TAMALIN: variants seen among roughly 807,000 people sequenced by gnomAD.
TAMALIN encodes the protein protein TAMALIN.
TAMALIN carries 9 observed loss-of-function variants against 38.5 expected under a neutral mutation model. The observed-to-expected ratio is 0.23, with a 90% confidence interval of 0.14 to 0.41. TAMALIN has a LOEUF of 0.41. TAMALIN is among the 10% of genes least tolerant of loss of function. TAMALIN has a pLI of 1.00. For missense variants in TAMALIN, 548 were observed against 554.1 expected, an observed-to-expected ratio of 0.99 and a Z score of 0.11; for synonymous variants, 306 against 256.5, an observed-to-expected ratio of 1.19 and a Z score of -1.85.
chr12:52,011,133 T>C lies in TAMALIN; in HGVS notation c.446T>C (p.Leu149Pro). The change falls in exon 4 of 8, where the codon CTC becomes CCC. Residue 149 changes from leucine (L) to proline (P), a missense_variant. By Grantham distance (98) the Leu-to-Pro change is moderately conservative. This residue lies in a region of TAMALIN where 415 missense variants were observed against 417.0 expected (regional missense o/e 1.00). Coordinates refer to ENST00000293662, the MANE Select transcript of TAMALIN (RefSeq NM_181711.4). The surrounding 1 kb of genome is among the most constrained non-coding windows in gnomAD (Gnocchi z 5.3). ...TCTAGCCCTGCCCAGCTGGCTGGGC[T>C]CACACCAGGTGGGGCCTGAGCCCAG... Reference protein sequence around the residue: ...HESSPAQLAGLTPGDTIASVN... With the variant: ...HESSPAQLAGPTPGDTIASVN... 6.2e-7 allele frequency: 1 copy of C among 1,611,738 alleles called. No homozygotes were observed. The highest frequency in any genetic ancestry group is 8.5e-7 in the Non-Finnish European group (1 of 1,179,974).
chr12:52,007,607 A>G lies in TAMALIN; in HGVS notation c.246+342A>G, dbSNP rs1942435872. The G allele has an allele frequency of 2.0e-6, 2 of 984,762 alleles. No homozygotes were observed. Among genetic ancestry groups the G allele is most frequent in the Non-Finnish European group, 2.4e-6 (2 of 829,704 alleles). The allele number at this position is 984,762 out of a possible 1,614,324, so 61.0% of individuals were successfully genotyped here. On this transcript the variant is annotated intron_variant, in intron 1 of 7. Coordinates refer to ENST00000293662, the MANE Select transcript of TAMALIN (RefSeq NM_181711.4). This position sits in a 1 kb window ranked among gnomAD's most constrained non-coding sequence, Gnocchi z 6.7. ...TGGCCAGGTGTCCTGGGTCCCCAGG[A>G]GCCCCTCGCCCGAGGGACAGAGACA... is the stretch of plus-strand genomic sequence containing the variant.
chr12:52,011,046 G>A lies in TAMALIN; in HGVS notation c.359G>A (p.Gly120Asp). The change falls in exon 4 of 8, where the codon GGC (glycine) becomes GAC (aspartate). Residue 120 changes from glycine (G) to aspartate (D), a missense_variant. This residue lies in a region of TAMALIN where 415 missense variants were observed against 417.0 expected (regional missense o/e 1.00). Coordinates refer to ENST00000293662, the MANE Select transcript of TAMALIN (RefSeq NM_181711.4). This position sits in a 1 kb window ranked among gnomAD's most constrained non-coding sequence, Gnocchi z 5.3. ...QTFGFEIQTYGLHHREEQRVE... is the reference protein window; with the variant it reads ...QTFGFEIQTYDLHHREEQRVE... ...TCCCCTTGTCCATTACAGACTTATG[G>A]CCTTCACCACCGGGAGGAGCAGCGT... 5 of 1,613,484 alleles carry A rather than the reference G, an allele frequency of 3.1e-6. No homozygotes were observed. The highest frequency in any genetic ancestry group is 4.2e-6 in the Non-Finnish European group (5 of 1,180,006).
intron 7 of TAMALIN, 39 bp from the exon 8 acceptor site, chr12:52,014,655 A>G (rs1056222244): frequency 3.4e-5 from 49 of 1,420,556 alleles, no homozygotes; most frequent in Non-Finnish European, 4.5e-5. Context: ...ACCACGGTCC[A>G]GGCCTGACCC....
chr12:52,014,296 G>C, intron 7 of TAMALIN, 95 bp downstream of exon 7: 1 of 1,033,014 alleles, frequency 9.7e-7, no homozygotes, highest in Non-Finnish European at 1.5e-6. Flanking sequence ...AGTAAAGAAC[G>C]GTTTACTAGT....
intron 4 of TAMALIN, 175 bp from the exon 5 acceptor site, chr12:52,013,512 C>CGAGTAT: frequency 1.6e-6 from 1 of 608,318 alleles, no homozygotes; most frequent in Non-Finnish European, 3.0e-6. Flanking sequence ...GTGTTTGGAT[C>CGAGTAT]GAGTATGAGA....
intron 1 of TAMALIN, chr12:52,008,439 C>A: frequency 1.0e-6 from 1 of 985,184 alleles, no homozygotes; most frequent in Non-Finnish European, 1.2e-6. Context: ...AAAGAACTCC[C>A]AGTCTCGGTC....
chr12:52,009,077 G>T, intron 1 of TAMALIN, 113 bp from the exon 2 acceptor site: 1 of 992,518 alleles, frequency 1.0e-6, no homozygotes, highest in Non-Finnish European at 1.6e-6. Context: ...GTGTGGATGT[G>T]GAGCTGGGAA....
Position 52,007,034 on chromosome 12 carries a change from A to T in TAMALIN, c.15A>T (p.Arg5=). Residue 5 remains arginine, a synonymous_variant, in exon 1 of 8, where the codon CGA becomes CGT. Transcript: ENST00000293662. The surrounding 1 kb of genome is among the most constrained non-coding windows in gnomAD (Gnocchi z 6.7). ...GCGCCGGAGCCATGACCCTCCGCCG[A>T]CTCAGGAAGCTGCAGCAGAAGGAGG... The part of the protein sequence containing the change: MTLR[R]LRKLQQKEEA... 6.9e-7 allele frequency: 1 copy of T among 1,441,508 alleles called. No homozygotes were observed. The highest frequency in any genetic ancestry group is 9.0e-7 in the Non-Finnish European group (1 of 1,105,018). The allele number at this position is 1,441,508 out of a possible 1,614,324, so 89.3% of individuals were successfully genotyped here.
chr12:52,014,657 G>A (rs1429192923), intron 7 of TAMALIN, 37 bp from the exon 8 acceptor site: 2 of 1,431,370 alleles, frequency 1.4e-6, no homozygotes, highest in South Asian at 1.5e-5. Context: ...CACGGTCCAG[G>A]CCTGACCCGC....
At chr12:52,012,428 A>G (rs557650890) in intron 4 of TAMALIN, among the ~76,000 whole-genome samples, 8 of 151,928 alleles carry the variant, frequency 5.3e-5, no homozygotes, top group Non-Finnish European at 1.2e-4. Flanking sequence ...TCATTTTTGT[A>G]TTTTTAGTAG....
chr12:52,012,121 A>G (rs1937666197), intron 4 of TAMALIN, among the ~76,000 whole-genome samples: 1 of 152,216 alleles, frequency 6.6e-6, no homozygotes, highest in African/African-American at 2.4e-5. Context: ...AGGCACACGC[A>G]AAAGAGACAA....
Position 52,013,697 on chromosome 12 carries a change from C to T in TAMALIN, c.465C>T (p.Ile155=), listed in dbSNP as rs773755271. The change falls in exon 5 of 8, where the codon ATC becomes ATT. Residue 155 remains isoleucine, a synonymous_variant. Coordinates refer to ENST00000293662, the MANE Select transcript of TAMALIN (RefSeq NM_181711.4). ...TTGTCTGCCTGGCAGGGGACACCAT[C>T]GCCAGCGTCAATGGCCTGAATGTGG... is the stretch of plus-strand genomic sequence containing the variant. ...QLAGLTPGDT[I]ASVNGLNVEG... is the part of the protein sequence containing the mutation. The T allele has an allele frequency of 4.3e-6, 7 of 1,614,002 alleles. No homozygotes were observed. Among genetic ancestry groups the T allele is most frequent in the East Asian group, 2.2e-5 (1 of 44,888 alleles).
rs1479502133 is a variant in TAMALIN at position 52,015,052 on chromosome 12, G to A, written c.1041G>A (p.Ala347=). The change falls in exon 8 of 8, where the codon GCG becomes GCA. Residue 347 remains alanine (A), a synonymous_variant. Coordinates refer to ENST00000293662, the MANE Select transcript of TAMALIN (RefSeq NM_181711.4). ...AGPGGGGGGG[A]PGALWTEARE... ...CTGGCGGGGGCGGAGGCGGGGGCGC[G>A]CCGGGCGCGCTCTGGACTGAGGCTC... The A allele has an allele frequency of 7.3e-6, 10 of 1,373,252 alleles. No individual in the cohort carries two copies. Among genetic ancestry groups the A allele is most frequent in the South Asian group, 1.6e-5 (1 of 63,496 alleles). 85.1% of individuals were successfully genotyped at this position (1,373,252 alleles called of 1,614,324 possible). A position where few individuals can be genotyped will look rare whatever the true frequency, so the allele number is the denominator to read the frequency against.
Position 52,011,070 on chromosome 12 carries a change from G to A in TAMALIN, c.383G>A (p.Arg128His), listed in dbSNP as rs140966414. ...GGCCTTCACCACCGGGAGGAGCAGC[G>A]TGTGGAAATGGTGACCTTTGTCTGC... ...TYGLHHREEQRVEMVTFVCRV... is the reference protein window; with the variant it reads ...TYGLHHREEQHVEMVTFVCRV... The change falls in exon 4 of 8, where the codon CGT becomes CAT. Residue 128 changes from arginine (R) to histidine (H), a missense_variant. Transcript: ENST00000293662. The surrounding 1 kb of genome is among the most constrained non-coding windows in gnomAD (Gnocchi z 5.3). 21 of 1,613,148 alleles carry A rather than the reference G, an allele frequency of 1.3e-5. No individual in the cohort carries two copies. In the Admixed American group the frequency reaches 1.5e-4, roughly 12 times the overall value.
At chr12:52,013,475 G>A (rs1937708089) in intron 4 of TAMALIN, 1 of 572,840 alleles carries the variant, frequency 1.7e-6, no homozygotes, top group African/African-American at 1.9e-5. Context: ...AGTCACTACA[G>A]GCCCACAAGA....
Position 52,014,729 on chromosome 12 carries a change from C to G in TAMALIN, c.718C>G (p.Leu240Val), listed in dbSNP as rs1181944258. 11 of 1,521,818 alleles carry G rather than the reference C, an allele frequency of 7.2e-6. No homozygotes were observed. The highest frequency in any genetic ancestry group is 9.6e-6 in the Non-Finnish European group (11 of 1,147,960). The allele number at this position is 1,521,818 out of a possible 1,614,324, so 94.3% of individuals were successfully genotyped here. Reference sequence around the variant, plus strand: ...GAAGGACCCCAGCATCTACGACACGCTGGAGTCGGTGCGCTCCTGCCTCTA... The same window carrying G: ...GAAGGACCCCAGCATCTACGACACGGTGGAGTCGGTGCGCTCCTGCCTCTA... ...VVKDPSIYDT[L>V]ESVRSCLYGA... The change falls in exon 8 of 8, where the codon CTG becomes GTG. Residue 240 changes from leucine (L) to valine (V), a missense_variant. Around this residue, in one of 3 missense-constraint regions of TAMALIN, gnomAD observed 415 missense variants for 417.0 expected, o/e 1.00. Coordinates refer to ENST00000293662, the MANE Select transcript of TAMALIN (RefSeq NM_181711.4).
At chr12:52,014,245 G>A (rs942182611) in intron 7 of TAMALIN, 44 bp downstream of exon 7, 3 of 1,488,994 alleles carry the variant, frequency 2.0e-6, no homozygotes, top group Non-Finnish European at 2.8e-6. Context: ...TTCTGCTACA[G>A]ACACCCCATC....
chr12:52,010,440 G>A (rs924710581), intron 2 of TAMALIN: 5 of 938,724 alleles, frequency 5.3e-6, no homozygotes, highest in African/African-American at 1.8e-5. Flanking sequence ...ATAGCTGGGA[G>A]GAGCAGCTGT....
chr12:52,009,658 C>G (rs1376800527), intron 2 of TAMALIN, among the ~76,000 whole-genome samples: 1 of 152,246 alleles, frequency 6.6e-6, no homozygotes, highest in East Asian at 1.9e-4. Flanking sequence ...GGGCTGGCTG[C>G]CCCTGCCTCC....
Sources: allele counts gnomAD v4.1 joint callset (sites outside exome capture counted in the v4.1 genomes callset), GRCh38; gene constraint gnomAD v4.1.1; regional missense constraint gnomAD v4.1.1; non-coding constraint Gnocchi (gnomAD v3.1); transcripts MANE v1.5; gene names NCBI Gene and HGNC (gene_info 2026-07-23, HGNC 2026-07-21).